The following KALRN variants were observed in gnomAD, a reference collection of about 807,000 sequenced individuals.
The protein encoded by KALRN is kalirin.
In KALRN, 70 loss-of-function variants were observed where a neutral mutation model predicts 353.7. That is an observed-to-expected ratio of 0.20 (90% CI 0.16 to 0.24). The LOEUF (loss-of-function observed/expected upper bound fraction) is 0.24, where lower values mean the gene tolerates loss of function less well. KALRN is among the 10% of genes least tolerant of loss of function. KALRN has a pLI of 1.00. For synonymous variants in KALRN, 1,391 were observed against 1,434.8 expected, an observed-to-expected ratio of 0.97 and a Z score of 0.69; for missense variants, 2,791 against 3,756.7, an observed-to-expected ratio of 0.74 and a Z score of 6.72.
chr3:124,241,237 TAAAC>T (rs1186190353), intron 3 of KALRN, among the ~76,000 whole-genome samples: 1 of 152,230 alleles, frequency 6.6e-6, no homozygotes, highest in African/African-American at 2.4e-5. Flanking sequence ...CATATTTTCA[TAAAC>T]AATATATGAT....
chr3:124,428,616 T>G (rs2093136245), intron 15 of KALRN, among the ~76,000 whole-genome samples: 1 of 152,224 alleles, frequency 6.6e-6, no homozygotes, highest in African/African-American at 2.4e-5. Context: ...GCCATAGATA[T>G]AAACTACCAT....
chr3:124,096,677 G>A (rs1489606068), intron 1 of KALRN: 4 of 152,144 alleles, frequency 2.6e-5, no homozygotes, highest in Non-Finnish European at 4.4e-5. Context: ...ATGGCTAAGG[G>A]TAAGGACTTA....
At chr3:124,094,780 G>T (rs373244067) in intron 1 of KALRN, 1 of 1,449,526 alleles carries the variant, frequency 6.9e-7, no homozygotes, top group East Asian at 2.3e-5. Context: ...TCGAGTCAGC[G>T]GTGGTGGGAT....
intron 9 of KALRN, among the ~76,000 whole-genome samples, chr3:124,338,802 G>A (rs533147506): frequency 6.6e-6 from 1 of 152,210 alleles, no homozygotes; most frequent in Non-Finnish European, 1.5e-5. Flanking sequence ...CTTGCTTTAT[G>A]AATCTGGGTG....
rs760936416 is a variant in KALRN, at chr3:124,398,752, G to A, written c.2227G>A (p.Glu743Lys). 5.6e-6 allele frequency: 9 copies of A among 1,614,032 alleles called. No homozygotes were observed. In the Admixed American group the frequency reaches 6.7e-5, roughly 12 times the overall value. The change falls in exon 13 of 60, where the codon GAG becomes AAG. Residue 743 changes from glutamate to lysine, a missense_variant. By Grantham distance (56) the Glu-to-Lys change is moderately conservative. Transcript: ENST00000682506. ...TPHSSSISHI[E>K]SVLQQLDDAQ... ...CCACAGCAGCTCCATCAGCCACATC[G>A]AGTCGGTCCTGCAGCAGCTTGATGA...
At chr3:124,631,882 G>A (rs1407866415) in intron 34 of KALRN, among the ~76,000 whole-genome samples, 1 of 152,138 alleles carries the variant, frequency 6.6e-6, no homozygotes, top group East Asian at 1.9e-4. Flanking sequence ...CTCCACCAAG[G>A]CCACCCCAGG....
At chr3:124,347,048 T>G in intron 9 of KALRN, 95 bp from the exon 10 acceptor site, 1 of 1,564,904 alleles carries the variant, frequency 6.4e-7, no homozygotes, top group Non-Finnish European at 8.7e-7. Flanking sequence ...TGGGATGGGA[T>G]ATAGGGGTGG....
At chr3:124,246,795 A>T (rs752501129) in intron 3 of KALRN, among the ~76,000 whole-genome samples, 1 of 152,190 alleles carries the variant, frequency 6.6e-6, no homozygotes, top group African/African-American at 2.4e-5. Flanking sequence ...CAATGCATTC[A>T]GGTGTTTCTG....
intron 1 of KALRN, among the ~76,000 whole-genome samples, chr3:124,148,737 A>T (rs1030719259): frequency 1.3e-5 from 2 of 152,170 alleles, no homozygotes; most frequent in Non-Finnish European, 2.9e-5. Context: ...AAAAAAAAAT[A>T]GGTAAAGGTT....
intron 10 of KALRN, among the ~76,000 whole-genome samples, chr3:124,362,215 A>G (rs1041858028): frequency 6.6e-6 from 1 of 152,202 alleles, no homozygotes; most frequent in Non-Finnish European, 1.5e-5. Flanking sequence ...AACACACATC[A>G]CCAACAAGAG....
intron 12 of KALRN, 98 bp from the exon 13 acceptor site, chr3:124,398,599 C>T: frequency 8.4e-7 from 1 of 1,190,204 alleles, no homozygotes; most frequent in East Asian, 2.3e-5. Flanking sequence ...AACTGATTCA[C>T]ATCCACCTTG....
intron 1 of KALRN, among the ~76,000 whole-genome samples, chr3:124,184,818 A>G (rs1455596143): frequency 1.3e-5 from 2 of 152,224 alleles, no homozygotes; most frequent in Non-Finnish European, 1.5e-5. Flanking sequence ...TGATTGTTGA[A>G]TTAAAAAAAT....
chr3:124,478,161 G>A (rs1561073581), intron 27 of KALRN, among the ~76,000 whole-genome samples: 1 of 152,112 alleles, frequency 6.6e-6, no homozygotes, highest in African/African-American at 2.4e-5. Flanking sequence ...TGAAATTGGG[G>A]AAAAAGAAAA....
intron 11 of KALRN, among the ~76,000 whole-genome samples, chr3:124,392,787 T>G (rs536235899): frequency 4.1e-5 from 6 of 145,274 alleles, no homozygotes; most frequent in East Asian, 2.0e-4. Context: ...GTATTTTTTT[T>G]TATTTTTTTT....
At chr3:124,224,501 A>G (rs2078271051) in intron 1 of KALRN, among the ~76,000 whole-genome samples, 2 of 152,184 alleles carry the variant, frequency 1.3e-5, no homozygotes, top group Admixed American at 1.3e-4. Flanking sequence ...CACAAGTGTG[A>G]TCTAGAGTTT....
At chr3:124,673,631 A>C (rs2086783891) in intron 48 of KALRN, among the ~76,000 whole-genome samples, 1 of 151,960 alleles carries the variant, frequency 6.6e-6, no homozygotes. Flanking sequence ...TGCATATAGA[A>C]TATATATGTA....
chr3:124,444,291 G>A (rs1216423199), intron 19 of KALRN, among the ~76,000 whole-genome samples: 1 of 152,192 alleles, frequency 6.6e-6, no homozygotes, highest in South Asian at 2.1e-4. Flanking sequence ...ATTTCCTATA[G>A]TGGTGATAGC....
intron 6 of KALRN, among the ~76,000 whole-genome samples, chr3:124,299,716 C>T (rs954639191): frequency 3.3e-5 from 5 of 152,168 alleles, no homozygotes; most frequent in African/African-American, 9.7e-5. Flanking sequence ...GTGCCTGGCA[C>T]ATAGTAAGTC....
chr3:124,242,638 G>T (rs1383398710), intron 3 of KALRN, among the ~76,000 whole-genome samples: 1 of 152,166 alleles, frequency 6.6e-6, no homozygotes, highest in East Asian at 1.9e-4. Flanking sequence ...GGACCACTAC[G>T]CTTCAGACTT....
Sources: allele counts gnomAD v4.1 joint callset (sites outside exome capture counted in the v4.1 genomes callset), GRCh38; gene constraint gnomAD v4.1.1; transcripts MANE v1.5; gene names NCBI Gene and HGNC (gene_info 2026-07-23, HGNC 2026-07-21).